EPS8: variants seen among roughly 807,000 people sequenced by gnomAD.
EPS8 encodes the protein EGFR pathway substrate 8, signaling adaptor, also known as epidermal growth factor receptor kinase substrate 8.
EPS8 carries 42 observed loss-of-function variants against 103.8 expected under a neutral mutation model. The observed-to-expected ratio is 0.40, with a 90% CI of 0.32 to 0.52. EPS8 has a LOEUF of 0.52. Among genes scored for constraint, EPS8 ranks in the 20% least tolerant of loss-of-function variants. The pLI, the probability that EPS8 is intolerant of heterozygous loss-of-function variation, is 0.40. For missense variants in EPS8, 969 were observed against 1,005.1 expected (o/e 0.96, Z 0.49); for synonymous variants, 344 against 344.6 (o/e 1.00, Z 0.02).
At chr12:15,634,247 C>A (rs553905824) in intron 17 of EPS8, among the ~76,000 whole-genome samples, 3 of 152,290 alleles carry the variant, frequency 2.0e-5, no homozygotes, top group African/African-American at 7.2e-5. Flanking sequence ...TGGTGTGGAC[C>A]TACTTTTGCA....
At chr12:15,681,365 T>A in intron 2 of EPS8, 63 bp from the exon 3 acceptor site, 1 of 680,428 alleles carries the variant, frequency 1.5e-6, no homozygotes, top group Non-Finnish European at 2.1e-6. Flanking sequence ...TGGGTTAAAG[T>A]CCAATATAAG....
At chr12:15,630,698 A>G (rs538693824) in intron 18 of EPS8, among the ~76,000 whole-genome samples, 1 of 152,092 alleles carries the variant, frequency 6.6e-6, no homozygotes, top group African/African-American at 2.4e-5. Context: ...CAAGAGGAAG[A>G]GAAGTAGGAA....
Position 15,670,952 on chromosome 12 carries a change from T to C in EPS8, c.137-29A>G, listed in dbSNP as rs374926332. The C allele has an allele frequency of 1.0e-5, 16 of 1,564,718 alleles. No homozygotes were observed. The African/African-American group carries it at 1.8e-4, about 17-fold the overall frequency. On this transcript the variant is annotated intron_variant, in intron 3 of 20. Coordinates refer to ENST00000281172, the MANE Select transcript of EPS8 (RefSeq NM_004447.6). ...AAAGAGAAATTGAAAAAGCCATGAT[T>C]TGTCCCCTAATAGACTGAAGTTCAT...
rs199539601 is a variant in EPS8, at chr12:15,759,019, A to AT, written c.-22+30141dup. Among the ~76,000 whole-genome samples, 14 of 151,848 alleles carry AT rather than the reference A, an allele frequency of 9.2e-5. No individual in the cohort carries two copies. Among genetic ancestry groups the AT allele is most frequent in the East Asian group, 3.9e-4 (2 of 5,168 alleles). On this transcript the variant is annotated intron_variant, in intron 1 of 20. Coordinates refer to ENST00000281172, the MANE Select transcript of EPS8 (RefSeq NM_004447.6). The surrounding 1 kb of genome is among the most constrained non-coding windows in gnomAD (Gnocchi z 4.9). ...GCCTGGATTCTGGATTCTTCTACAGATTTTTTTTTAAAATTTTTTAATTAA... is the reference window on the plus strand; with the variant it reads ...GCCTGGATTCTGGATTCTTCTACAGATTTTTTTTTTAAAATTTTTTAATTAA...
At chr12:15,707,055 C>T (rs1946396809) in intron 1 of EPS8, among the ~76,000 whole-genome samples, 1 of 152,136 alleles carries the variant, frequency 6.6e-6, no homozygotes, top group South Asian at 2.1e-4. Context: ...AAAGAGCAGG[C>T]TAAATACATG....
chr12:15,632,900 G>A (rs1388552119), intron 17 of EPS8, among the ~76,000 whole-genome samples: 3 of 152,104 alleles, frequency 2.0e-5, no homozygotes, highest in South Asian at 2.1e-4. Context: ...TTTTCAGCTC[G>A]CTCTACTACT....
At chr12:15,625,051 A>T (rs78011983) in intron 18 of EPS8, among the ~76,000 whole-genome samples, 1 of 152,208 alleles carries the variant, frequency 6.6e-6, no homozygotes, top group Non-Finnish European at 1.5e-5. Context: ...AATATATTCT[A>T]CTTTCTCTCT....
intron 14 of EPS8, among the ~76,000 whole-genome samples, chr12:15,648,215 G>A (rs558967442): frequency 1.1e-4 from 16 of 152,308 alleles, no homozygotes; most frequent in African/African-American, 3.8e-4. Context: ...CAGATTGGGA[G>A]AAAACAAATA....
chr12:15,755,539 C>T (rs567793191), intron 1 of EPS8, among the ~76,000 whole-genome samples: 7 of 152,246 alleles, frequency 4.6e-5, no homozygotes, highest in African/African-American at 1.7e-4. Context: ...AAATGATAAA[C>T]TTAGTAAAGG....
Position 15,781,573 on chromosome 12 carries a change from G to T in EPS8, c.-22+7588C>A, listed in dbSNP as rs1163400009. ...GTATGTAACACCTGCCACACAAAAG[G>T]TACTATTATTATGTGAGCTGCTCCA... is the stretch of plus-strand genomic sequence containing the variant. On this transcript the variant is annotated intron_variant, in intron 1 of 20. Coordinates refer to ENST00000281172, the MANE Select transcript of EPS8 (RefSeq NM_004447.6). This position sits in a 1 kb window ranked among gnomAD's most constrained non-coding sequence, Gnocchi z 4.1. 6.6e-6 allele frequency among the ~76,000 whole-genome samples: 1 copy of T among 152,166 alleles called. No homozygotes were observed. The highest frequency in any genetic ancestry group is 1.5e-5 in the Non-Finnish European group (1 of 68,040).
At position 15,734,519 on chromosome 12, in the gene EPS8, C is replaced by A. The variant is rs1220238173; in HGVS notation, c.-21-51547G>T. ...ACCATCCTGGCTAACACGGTGAAAC[C>A]CCGTCTCTACTAAAAATACAAAGAA... On this transcript the variant is annotated intron_variant, in intron 1 of 20. Coordinates refer to ENST00000281172, the MANE Select transcript of EPS8 (RefSeq NM_004447.6). The surrounding 1 kb of genome is among the most constrained non-coding windows in gnomAD (Gnocchi z 4.1). Among the ~76,000 whole-genome samples the A allele has an allele frequency of 6.6e-6, 1 of 152,002 alleles. No individual in the cohort carries two copies.
rs1382980308 is a variant in EPS8, at chr12:15,749,994, CCT to C, written c.-22+39165_-22+39166del. Among the ~76,000 whole-genome samples, 3 of 152,168 alleles carry C rather than the reference CCT, an allele frequency of 2.0e-5. No individual in the cohort carries two copies. Among genetic ancestry groups the C allele is most frequent in the Non-Finnish European group, 2.9e-5 (2 of 68,028 alleles). On this transcript the variant is annotated intron_variant, in intron 1 of 20. Coordinates refer to ENST00000281172, the MANE Select transcript of EPS8 (RefSeq NM_004447.6). This position sits in a 1 kb window ranked among gnomAD's most constrained non-coding sequence, Gnocchi z 4.0. ...TTTGTCTAAGATTTCAGATAACTTT[CCT>C]CTGTTTCTCCCTGCTGAGGACAACT...
At chr12:15,677,690 T>C (rs533770686) in intron 3 of EPS8, among the ~76,000 whole-genome samples, 20 of 152,322 alleles carry the variant, frequency 1.3e-4, no homozygotes, top group Admixed American at 2.0e-4. Context: ...AACTTTCCAG[T>C]TAAGAAGAGA....
chr12:15,650,897 A>T lies in EPS8; in HGVS notation c.1360T>A (p.Tyr454Asn). The T allele has an allele frequency of 6.2e-7, 1 of 1,614,096 alleles. No homozygotes were observed. Among genetic ancestry groups the T allele is most frequent in the Non-Finnish European group, 8.5e-7 (1 of 1,179,972 alleles). ...TTTGCCACAGATTCTGCCAGTTGAT[A>T]AAGATCTTGTTCCATTGTGGCTCCC... ...FMGATMEQDL[Y>N]QLAESVANVA... Residue 454 changes from tyrosine to asparagine, a missense_variant, in exon 14 of 21, where the codon TAT (tyrosine) becomes AAT (asparagine). Tyr to Asn is a moderately radical substitution (Grantham distance 143). Transcript: ENST00000281172.
intron 2 of EPS8, among the ~76,000 whole-genome samples, chr12:15,682,510 C>T (rs1946025411): frequency 6.6e-6 from 1 of 152,060 alleles, no homozygotes; most frequent in African/African-American, 2.4e-5. Context: ...TTAGTTTATA[C>T]TAAATGACAT....
At chr12:15,705,429 G>C (rs1946372562) in intron 1 of EPS8, among the ~76,000 whole-genome samples, 1 of 151,992 alleles carries the variant, frequency 6.6e-6, no homozygotes, top group Admixed American at 6.5e-5. Flanking sequence ...ATGCATATAA[G>C]TTTGGGTAAA....
intron 3 of EPS8, among the ~76,000 whole-genome samples, chr12:15,674,961 A>G (rs907146485): frequency 6.6e-6 from 1 of 152,238 alleles, no homozygotes; most frequent in African/African-American, 2.4e-5. Context: ...TGTGTAAAAA[A>G]TTGCTTGGGC....
chr12:15,709,048 C>A (rs1186241159), intron 1 of EPS8, among the ~76,000 whole-genome samples: 1 of 152,208 alleles, frequency 6.6e-6, no homozygotes, highest in African/African-American at 2.4e-5. Flanking sequence ...CCCCAAATGT[C>A]CATTCCAACA....
rs150874452 is a variant in EPS8 at position 15,660,562 on chromosome 12, C to T, written c.937+52G>A. 8.2e-4 allele frequency: 745 copies of T among 909,752 alleles called. 5 individuals are homozygous for T. In the East Asian group the frequency reaches 0.013, roughly 16 times the overall value. The allele number at this position is 909,752 out of a possible 1,614,324, so 56.4% of individuals were successfully genotyped here. The stretch of plus-strand genomic sequence containing the variant: ...TACAGGTGTGAGCCACTGCGCCCAG[C>T]CAGTACTGGAGATCTAACCAGGCAT... On this transcript the variant is annotated intron_variant, in intron 10 of 20. Coordinates refer to ENST00000281172, the MANE Select transcript of EPS8 (RefSeq NM_004447.6).
Sources: allele counts gnomAD v4.1 joint callset (sites outside exome capture counted in the v4.1 genomes callset), GRCh38; gene constraint gnomAD v4.1.1; non-coding constraint Gnocchi (gnomAD v3.1); transcripts MANE v1.5; gene names NCBI Gene and HGNC (gene_info 2026-07-23, HGNC 2026-07-21).